Variants in NPAS2 observed in about 807,000 individuals in gnomAD.
The protein encoded by NPAS2 is neuronal PAS domain protein 2, also known as neuronal PAS domain-containing protein 2.
Under a neutral mutation model 107.5 loss-of-function variants are expected in NPAS2, and 23 were observed. The ratio of observed to expected loss-of-function variants is 0.21; its 90% CI spans 0.15 to 0.30. The LOEUF is 0.30. Among genes scored for constraint, NPAS2 ranks in the 10% least tolerant of loss-of-function variants. NPAS2 has a pLI of 1.00. For synonymous variants in NPAS2, 403 were observed against 417.5 expected (o/e 0.97, Z 0.42); for missense variants, 756 against 1,043.3 (o/e 0.72, Z 3.79).
intron 7 of NPAS2, among the ~76,000 whole-genome samples, chr2:100,963,537 T>G (rs1275661394): frequency 1.3e-5 from 2 of 152,176 alleles, no homozygotes; most frequent in East Asian, 3.8e-4. Flanking sequence ...CAGTTGGGAT[T>G]ACAGGCACAC....
chr2:100,979,909 C>T (rs916411679), intron 15 of NPAS2, among the ~76,000 whole-genome samples: 1 of 152,142 alleles, frequency 6.6e-6, no homozygotes, highest in African/African-American at 2.4e-5. Flanking sequence ...ATGTGAAATA[C>T]CCACTTCATG....
At chr2:100,934,953 C>T (rs1684205526) in intron 4 of NPAS2, 3 of 985,380 alleles carry the variant, frequency 3.0e-6, no homozygotes, top group Non-Finnish European at 3.6e-6. Flanking sequence ...GGAGATAACC[C>T]ATCATGTCCC....
intron 7 of NPAS2, among the ~76,000 whole-genome samples, chr2:100,952,773 A>G (rs1229845326): frequency 6.7e-6 from 1 of 150,066 alleles, no homozygotes; most frequent in African/African-American, 2.4e-5. Flanking sequence ...TTTTTTTTTT[A>G]ACTAGCAGGG....
At chr2:100,929,161 T>TCC (rs746488518) in intron 3 of NPAS2, among the ~76,000 whole-genome samples, 2 of 152,190 alleles carry the variant, frequency 1.3e-5, no homozygotes, top group Admixed American at 6.5e-5. Flanking sequence ...CACCTTGGCC[T>TCC]CCCAAAGTGC....
intron 2 of NPAS2, among the ~76,000 whole-genome samples, chr2:100,921,087 C>A (rs7602594): frequency 0.08 from 12,185 of 152,208 alleles, 694 homozygotes; most frequent in East Asian, 0.26. Context: ...TCTGTGTTCC[C>A]AGAACACTGG....
intron 2 of NPAS2, among the ~76,000 whole-genome samples, chr2:100,921,931 G>A (rs957714066): frequency 2.6e-5 from 4 of 152,198 alleles, no homozygotes; most frequent in African/African-American, 9.6e-5. Flanking sequence ...TGAACCAGAT[G>A]TTGTGGCATA....
chr2:100,977,692 C>A lies in NPAS2; in HGVS notation c.1393-18C>A. The A allele has an allele frequency of 1.2e-6, 2 of 1,608,052 alleles. No homozygotes were observed. The highest frequency in any genetic ancestry group is 1.1e-5 in the South Asian group (1 of 90,972). On this transcript the variant is annotated intron_variant, in intron 14 of 20. Transcript: ENST00000335681. ...AATGGCAGAAGCAGTGGTAACAAAG[C>A]CCCTTTCTCTCCCACAGGCCCCTCT...
At chr2:100,990,543 C>A in intron 18 of NPAS2, 97 bp downstream of exon 18, 1 of 1,346,868 alleles carries the variant, frequency 7.4e-7, no homozygotes, top group Non-Finnish European at 1.0e-6. Context: ...AGAGTTCAGA[C>A]AGATTCTAAA....
chr2:100,945,902 G>A (rs892852853), intron 5 of NPAS2, among the ~76,000 whole-genome samples: 1 of 152,146 alleles, frequency 6.6e-6, no homozygotes, highest in Admixed American at 6.5e-5. Context: ...TTTAATGCCT[G>A]TCATAGTGCT....
At chr2:100,960,061 C>G (rs145002512) in intron 7 of NPAS2, among the ~76,000 whole-genome samples, 1 of 152,140 alleles carries the variant, frequency 6.6e-6, no homozygotes. Flanking sequence ...TGGGAGCTCA[C>G]CTTTGTCATC....
intron 13 of NPAS2, 198 bp from the exon 14 acceptor site, chr2:100,975,260 A>C (rs939502323): frequency 1.6e-6 from 1 of 608,882 alleles, no homozygotes; most frequent in African/African-American, 1.9e-5. Context: ...AATGAAGTTT[A>C]GGGAGTGTTT....
chr2:100,872,558 A>C (rs1305608274), intron 1 of NPAS2, among the ~76,000 whole-genome samples: 1 of 152,198 alleles, frequency 6.6e-6, no homozygotes, highest in East Asian at 1.9e-4. Flanking sequence ...AGCCAAATAC[A>C]TGGTAGATAG....
At chr2:100,853,907 C>T (rs1328037684) in intron 1 of NPAS2, among the ~76,000 whole-genome samples, 4 of 148,686 alleles carry the variant, frequency 2.7e-5, no homozygotes, top group African/African-American at 1.0e-4. Context: ...GGTCCGGGCA[C>T]GGTGGCTCAC....
intron 17 of NPAS2, 154 bp from the exon 18 acceptor site, chr2:100,990,102 G>A: frequency 1.4e-6 from 1 of 719,158 alleles, no homozygotes; most frequent in East Asian, 2.5e-5. Flanking sequence ...CAATGGGGAA[G>A]ACAGTCACAG....
chr2:100,904,234 G>A (rs921846074), intron 1 of NPAS2, among the ~76,000 whole-genome samples: 7 of 152,146 alleles, frequency 4.6e-5, no homozygotes, highest in Non-Finnish European at 8.8e-5. Context: ...TGTCGCTAAC[G>A]GATCCCAGGC....
intron 1 of NPAS2, among the ~76,000 whole-genome samples, chr2:100,879,654 T>A (rs867491240): frequency 1.5e-4 from 23 of 152,358 alleles, no homozygotes; most frequent in Middle Eastern, 6.8e-3. Context: ...GACCATGTTG[T>A]GGGAAATGGC....
intron 7 of NPAS2, among the ~76,000 whole-genome samples, chr2:100,952,336 G>A (rs569201213): frequency 2.3e-4 from 35 of 152,002 alleles, no homozygotes; most frequent in Non-Finnish European, 3.2e-4. Context: ...CACACACTTC[G>A]GGCAGATCAC....
At chr2:100,830,427 C>G (rs1022388297) in intron 1 of NPAS2, among the ~76,000 whole-genome samples, 2 of 151,936 alleles carry the variant, frequency 1.3e-5, no homozygotes, top group African/African-American at 4.8e-5. Flanking sequence ...CACCCATTAA[C>G]TCGTCATTTA....
chr2:100,944,837 A>G (rs1422616749), intron 5 of NPAS2, among the ~76,000 whole-genome samples: 1 of 152,082 alleles, frequency 6.6e-6, no homozygotes, highest in Admixed American at 6.5e-5. Context: ...TGGCCCTCGG[A>G]CCTGTATCAG....
Sources: allele counts gnomAD v4.1 joint callset (sites outside exome capture counted in the v4.1 genomes callset), GRCh38; gene constraint gnomAD v4.1.1; transcripts MANE v1.5; gene names NCBI Gene and HGNC (gene_info 2026-07-23, HGNC 2026-07-21).